ARMH3: variants seen among roughly 807,000 people sequenced by gnomAD.
ARMH3 encodes the protein armadillo like helical domain containing 3, also known as armadillo-like helical domain-containing protein 3.
A neutral mutation model predicts 99.1 loss-of-function variants in ARMH3; 60 were observed. The ratio of observed to expected loss-of-function variants is 0.61; its 90% confidence interval spans 0.49 to 0.75. The LOEUF is 0.75. ARMH3 is among the 30% of genes least tolerant of loss of function. The pLI is 0.00. For synonymous variants in ARMH3, 285 were observed against 292.8 expected (o/e 0.97, Z 0.27); for missense variants, 679 against 843.1 (o/e 0.81, Z 2.41).
intron 23 of ARMH3, among the ~76,000 whole-genome samples, chr10:101,933,112 G>A (rs1417077372): frequency 6.6e-6 from 1 of 152,200 alleles, no homozygotes; most frequent in African/African-American, 2.4e-5. Flanking sequence ...CGTGAACCCA[G>A]GAGGCGGAGC....
chr10:102,010,439 C>A (rs2066606417), intron 11 of ARMH3, among the ~76,000 whole-genome samples: 1 of 152,186 alleles, frequency 6.6e-6, no homozygotes, highest in Non-Finnish European at 1.5e-5. Flanking sequence ...TCACAGGAAG[C>A]AGGCTGACTT....
chr10:101,908,020 T>A (rs1363420546), intron 23 of ARMH3, among the ~76,000 whole-genome samples: 1 of 152,126 alleles, frequency 6.6e-6, no homozygotes, highest in East Asian at 1.9e-4. Flanking sequence ...TCTAGACCCG[T>A]CCTGTAGCCA....
chr10:102,006,762 A>C (rs1241335014), intron 13 of ARMH3, 129 bp from the exon 14 acceptor site: 1 of 713,642 alleles, frequency 1.4e-6, no homozygotes, highest in Non-Finnish European at 2.3e-6. Context: ...GCATCTTGCT[A>C]TGTTGTCCAA....
intron 24 of ARMH3, among the ~76,000 whole-genome samples, chr10:101,869,194 G>A (rs2067076673): frequency 1.3e-5 from 2 of 152,160 alleles, no homozygotes; most frequent in Non-Finnish European, 2.9e-5. Flanking sequence ...TAACTTGGGT[G>A]TTGTTTAAGG....
intron 11 of ARMH3, among the ~76,000 whole-genome samples, chr10:102,010,517 C>T (rs920677225): frequency 6.6e-6 from 1 of 152,156 alleles, no homozygotes; most frequent in African/African-American, 2.4e-5. Context: ...ATATGAGATC[C>T]ACTCTCCATT....
intron 5 of ARMH3, among the ~76,000 whole-genome samples, chr10:102,028,017 T>C (rs943388887): frequency 2.0e-5 from 3 of 149,700 alleles, no homozygotes; most frequent in Non-Finnish European, 4.4e-5. Context: ...CACCCCCATC[T>C]AGAAATGGAC....
chr10:101,907,792 G>C (rs1409900784), intron 23 of ARMH3, among the ~76,000 whole-genome samples: 2 of 152,168 alleles, frequency 1.3e-5, no homozygotes, highest in South Asian at 2.1e-4. Flanking sequence ...ACCGATCTTG[G>C]AAAATGCAAG....
chr10:102,044,517 C>T (rs1001226050), intron 1 of ARMH3, among the ~76,000 whole-genome samples: 35 of 149,286 alleles, frequency 2.3e-4, no homozygotes, highest in African/African-American at 8.4e-4. Context: ...ACTATAGGTG[C>T]GCGCCACCAC....
chr10:101,937,115 A>C (rs1844015126), intron 23 of ARMH3, among the ~76,000 whole-genome samples: 1 of 152,234 alleles, frequency 6.6e-6, no homozygotes, highest in Non-Finnish European at 1.5e-5. Flanking sequence ...CTTTCAATAC[A>C]TCATGGTGAG....
intron 22 of ARMH3, among the ~76,000 whole-genome samples, chr10:101,954,914 T>C (rs1197912364): frequency 6.6e-6 from 1 of 152,184 alleles, no homozygotes; most frequent in Non-Finnish European, 1.5e-5. Flanking sequence ...ATTTGACTAG[T>C]TACATATGGC....
chr10:101,890,139 G>C (rs1476040152), intron 23 of ARMH3, among the ~76,000 whole-genome samples: 1 of 151,830 alleles, frequency 6.6e-6, no homozygotes, highest in Admixed American at 6.6e-5. Context: ...GCCTGGTGTA[G>C]CAAAAAGAAC....
Position 101,846,021 on chromosome 10 carries a change from A to T in ARMH3, c.*1507T>A, listed in dbSNP as rs1258717398. The T allele has an allele frequency of 6.6e-6, 1 of 152,230 alleles. No homozygotes were observed. Among genetic ancestry groups the T allele is most frequent in the Admixed American group, 6.5e-5 (1 of 15,282 alleles). The allele number at this position is 152,230 out of a possible 1,614,324, so 9.4% of individuals were successfully genotyped here. A position where few individuals can be genotyped will look rare whatever the true frequency, so the allele number is the denominator to read the frequency against. On this transcript the variant is annotated 3_prime_UTR_variant, in exon 26 of 26. Transcript: ENST00000370033. ...AAGGGAGGATCTCGAAGCAGCAGCT[A>T]TTTCAGAGGCAGCTGTTGGGAAAGC... is the stretch of plus-strand genomic sequence containing the variant.
At chr10:101,866,482 T>TAAA (rs58252053) in intron 24 of ARMH3, among the ~76,000 whole-genome samples, 3 of 126,794 alleles carry the variant, frequency 2.4e-5, no homozygotes, top group Non-Finnish European at 4.9e-5. Context: ...AGGACAAGTG[T>TAAA]AAAAAAAAAA....
intron 1 of ARMH3, among the ~76,000 whole-genome samples, chr10:102,050,689 C>T (rs1380613999): frequency 6.6e-6 from 1 of 151,242 alleles, no homozygotes; most frequent in African/African-American, 2.4e-5. Flanking sequence ...AAAACCCCAT[C>T]TCTACTAAAT....
chr10:101,858,956 G>A (rs1374575147), intron 24 of ARMH3, among the ~76,000 whole-genome samples: 2 of 152,188 alleles, frequency 1.3e-5, no homozygotes, highest in East Asian at 1.9e-4. Flanking sequence ...TCAAGGTCAC[G>A]TGGTAAGATT....
rs1288978499 is a variant in ARMH3 at position 101,956,707 on chromosome 10, T to C, written c.1595A>G (p.Asn532Ser). 1 of 1,613,180 alleles carries C rather than the reference T, an allele frequency of 6.2e-7. No individual in the cohort carries two copies. Among genetic ancestry groups the C allele is most frequent in the South Asian group, 1.1e-5 (1 of 91,044 alleles). Reference sequence around the variant, plus strand: ...TGTGTCGCCATATGTGATAAACATATTAAATAGGTTCACAATCTAAAAAAG... The same window carrying C: ...TGTGTCGCCATATGTGATAAACATACTAAATAGGTTCACAATCTAAAAAAG... ...TLALMIVNLF[N>S]MFITYGDTFL... Residue 532 changes from asparagine to serine, a missense_variant, in exon 22 of 26, where the codon AAT becomes AGT. Asn to Ser is a conservative substitution (Grantham distance 46, BLOSUM62 1). This residue lies in a region of ARMH3 where 389 missense variants were observed against 456.5 expected (regional missense o/e 0.85). Transcript: ENST00000370033.
At chr10:102,041,075 C>CAT (rs59281655) in intron 1 of ARMH3, among the ~76,000 whole-genome samples, 24,414 of 131,806 alleles carry the variant, frequency 0.19, 2,646 homozygotes, top group East Asian at 0.48. Context: ...ATTGTGTGTA[C>CAT]ATATATATAT....
intron 22 of ARMH3, among the ~76,000 whole-genome samples, chr10:101,954,084 T>C (rs1844919370): frequency 1.3e-5 from 2 of 152,118 alleles, no homozygotes; most frequent in South Asian, 4.2e-4. Context: ...CCCAGCTACT[T>C]TGGAGGCTAA....
chr10:101,880,439 C>T (rs2067383383), intron 24 of ARMH3, among the ~76,000 whole-genome samples: 1 of 152,160 alleles, frequency 6.6e-6, no homozygotes, highest in South Asian at 2.1e-4. Context: ...CTCAGAAAAC[C>T]CCGCCACACA....
Sources: gnomAD v4.1 joint callset for allele counts (sites outside exome capture counted in the v4.1 genomes callset) on GRCh38, gnomAD v4.1.1 for gene constraint, gnomAD v4.1.1 regional missense constraint, MANE v1.5 for transcripts, NCBI Gene and HGNC (gene_info 2026-07-23, HGNC 2026-07-21) for gene names.